Variants in CORO7 observed in about 807,000 individuals in gnomAD.
The protein encoded by CORO7 is coronin-7.
In CORO7, 107 loss-of-function variants were observed where a neutral mutation model predicts 126.6. The observed-to-expected ratio is 0.85, with a 90% CI of 0.72 to 0.99. CORO7 has a LOEUF of 0.99. Ranked by LOEUF, CORO7 falls within the 50% of genes least tolerant of loss-of-function variation. The probability of loss-of-function intolerance (pLI) is 0.00; values close to 1 mark genes in which losing one functional copy is unlikely to be tolerated. For missense variants in CORO7, 1,314 were observed against 1,255.8 expected, an observed-to-expected ratio of 1.05 and a Z score of -0.70; for synonymous variants, 603 against 536.8, an observed-to-expected ratio of 1.12 and a Z score of -1.70.
At chr16:4,412,763 A>G in intron 2 of CORO7, 1 of 355,216 alleles carries the variant, frequency 2.8e-6, no homozygotes. Flanking sequence ...GAAAGAAGCC[A>G]ACACCCAAGG....
At chr16:4,389,337 G>A (rs1420510713) in intron 7 of CORO7, among the ~76,000 whole-genome samples, 1 of 152,176 alleles carries the variant, frequency 6.6e-6, no homozygotes, top group South Asian at 2.1e-4. Flanking sequence ...CCCTGGCAGT[G>A]GGGAGCTGAG....
At chr16:4,366,810 T>G (rs2054363371) in intron 9 of CORO7, among the ~76,000 whole-genome samples, 1 of 152,156 alleles carries the variant, frequency 6.6e-6, no homozygotes, top group African/African-American at 2.4e-5. Flanking sequence ...CCCAAAGTGC[T>G]AGGATTATAG....
At chr16:4,404,957 C>T (rs1015054924) in intron 6 of CORO7, among the ~76,000 whole-genome samples, 2 of 152,158 alleles carry the variant, frequency 1.3e-5, no homozygotes, top group Non-Finnish European at 2.9e-5. Flanking sequence ...AACCCTTACT[C>T]ACCACCCAGC....
intron 9 of CORO7, among the ~76,000 whole-genome samples, chr16:4,378,654 G>A (rs952130701): frequency 2.6e-5 from 4 of 152,042 alleles, no homozygotes; most frequent in African/African-American, 7.2e-5. Flanking sequence ...CCAGGGACGC[G>A]TGCCTGGGGT....
Position 4,405,486 on chromosome 16 carries a change from C to G in CORO7, c.564+5G>C. The G allele has an allele frequency of 6.2e-7, 1 of 1,611,646 alleles. No individual in the cohort carries two copies. Among genetic ancestry groups the G allele is most frequent in the Non-Finnish European group, 8.5e-7 (1 of 1,179,564 alleles). ...CCCACAGGGCATCCCCACCTGCCTG[C>G]TCACCTTGCACGCCGTGCCCACCAG... On this transcript the variant is annotated splice_donor_5th_base_variant and intron_variant, in intron 6 of 27. Transcript: ENST00000251166.
At chr16:4,359,789 A>G (rs1013061718) in intron 21 of CORO7, among the ~76,000 whole-genome samples, 168 bp from the exon 22 acceptor site, 2 of 151,600 alleles carry the variant, frequency 1.3e-5, no homozygotes, top group Non-Finnish European at 1.5e-5. Flanking sequence ...TGGGTTCCCC[A>G]TTGACTCTTT....
intron 9 of CORO7, chr16:4,381,554 A>G (rs1200720951): frequency 1.9e-6 from 3 of 1,605,332 alleles, no homozygotes; most frequent in South Asian, 1.1e-5. Flanking sequence ...GTGTCCGACA[A>G]CCAGCTGGAG....
At chr16:4,379,535 G>A (rs967231520) in intron 9 of CORO7, among the ~76,000 whole-genome samples, 7 of 152,122 alleles carry the variant, frequency 4.6e-5, no homozygotes, top group East Asian at 1.9e-4. Flanking sequence ...TGCTGGCACC[G>A]CAATGGCAGC....
intron 9 of CORO7, chr16:4,382,441 G>A (rs1362811760): frequency 6.2e-7 from 1 of 1,610,242 alleles, no homozygotes; most frequent in Non-Finnish European, 8.5e-7. Context: ...TGAGTACACG[G>A]TCACCCAGCT....
Position 4,366,981 on chromosome 16 carries a change from C to T in CORO7, c.786-1436G>A, listed in dbSNP as rs377016048. ...TGGCAGCTGCCTCTATCCCTCACTG[C>T]GGTGACAAAGGGCCCAGCCGCCCTC... On this transcript the variant is annotated intron_variant, in intron 9 of 27. Coordinates refer to ENST00000251166, the MANE Select transcript of CORO7 (RefSeq NM_024535.5). 3.3e-3 allele frequency among the ~76,000 whole-genome samples: 508 copies of T among 152,304 alleles called. 5 individuals are homozygous for T. The highest frequency in any genetic ancestry group is 0.012 in the African/African-American group (496 of 41,564).
At chr16:4,357,325 C>G in intron 25 of CORO7, 66 bp from the exon 26 acceptor site, 35 of 1,230,130 alleles carry the variant, frequency 2.8e-5, no homozygotes, top group Non-Finnish European at 3.8e-5. Flanking sequence ...GCCAAGCCCT[C>G]GGGGATTTCT....
At chr16:4,373,822 C>A (rs1205868550) in intron 9 of CORO7, among the ~76,000 whole-genome samples, 1 of 152,164 alleles carries the variant, frequency 6.6e-6, no homozygotes, top group African/African-American at 2.4e-5. Context: ...GCAGGCCAGA[C>A]AGCCAGTCCT....
rs552310531 is a variant in CORO7 at position 4,381,908 on chromosome 16, A to G, written c.785+6078T>C. 8.7e-6 allele frequency: 14 copies of G among 1,606,232 alleles called. No homozygotes were observed. In the East Asian group the frequency reaches 2.0e-4, roughly 23 times the overall value. On this transcript the variant is annotated intron_variant, in intron 9 of 27. Transcript: ENST00000251166. ...GGCCGGCTGCTCCTGGAGCTTGACT[A>G]CGCCGACTTTGGCTGCCCAGCCACC...
Position 4,358,011 on chromosome 16 carries a change from C to T in CORO7, c.2550G>A (p.Gly850=), listed in dbSNP as rs149619313. The change falls in exon 25 of 28, where the codon GGG becomes GGA. Residue 850 remains glycine (G), a synonymous_variant. Transcript: ENST00000251166. ...SAEAWLQGAN[G]QPWLLSLQPP... ...GCTGCAGGCTGAGAAGCCAGGGCTG[C>T]CCATTAGCGCCTTGCAGCCAGGCCT... 1,218 of 1,612,216 alleles carry T rather than the reference C, an allele frequency of 7.6e-4. 4 individuals are homozygous for T. The highest frequency in any genetic ancestry group is 1.0e-3 in the South Asian group (91 of 91,048).
At chr16:4,409,241 C>T (rs1018230241) in intron 3 of CORO7, among the ~76,000 whole-genome samples, 6 of 152,346 alleles carry the variant, frequency 3.9e-5, no homozygotes, top group African/African-American at 9.6e-5. Flanking sequence ...ATAGGACGGA[C>T]GTGCACAGGC....
intron 7 of CORO7, among the ~76,000 whole-genome samples, chr16:4,393,686 G>A (rs986689061): frequency 6.6e-6 from 1 of 152,136 alleles, no homozygotes; most frequent in African/African-American, 2.4e-5. Flanking sequence ...TGGGGAGGGG[G>A]TATCTATGAT....
At position 4,364,289 on chromosome 16, in the gene CORO7, T is replaced by A; in HGVS notation, c.1262A>T (p.Asp421Val). The A allele has an allele frequency of 6.5e-7, 1 of 1,543,404 alleles. No homozygotes were observed. Among genetic ancestry groups the A allele is most frequent in the Non-Finnish European group, 8.7e-7 (1 of 1,147,486 alleles). ...CCTGGTACTTACGCTTGCGTCTGCATCACCCACGGGTGTCTCCATCACCGC... is the reference window on the plus strand; with the variant it reads ...CCTGGTACTTACGCTTGCGTCTGCAACACCCACGGGTGTCTCCATCACCGC... ...QPAVMETPVG[D>V]ADASEGFSSP... Residue 421 changes from aspartate to valine, a missense_variant, in exon 14 of 28, where the codon GAT becomes GTT. Asp to Val is a radical substitution (Grantham distance 152). Coordinates refer to ENST00000251166, the MANE Select transcript of CORO7 (RefSeq NM_024535.5).
rs571697999 is a variant in CORO7, at chr16:4,381,141, C to T, written c.785+6845G>A. 1.9e-5 allele frequency: 30 copies of T among 1,610,326 alleles called. No individual in the cohort carries two copies. In the East Asian group the frequency reaches 3.6e-4, roughly 19 times the overall value. On this transcript the variant is annotated intron_variant, in intron 9 of 27. Coordinates refer to ENST00000251166, the MANE Select transcript of CORO7 (RefSeq NM_024535.5). ...TCCTGGACCTGTCACAGAACCAGAT[C>T]GCCAGCCTGCCCAGCGGGGTCTTCC...
chr16:4,360,657 T>C (rs972760707), intron 19 of CORO7, 109 bp from the exon 20 acceptor site: 14 of 1,336,750 alleles, frequency 1.0e-5, no homozygotes, highest in East Asian at 7.8e-5. Context: ...CTCACTGCTG[T>C]TCCCGCCTCT....
Sources: allele counts gnomAD v4.1 joint callset (sites outside exome capture counted in the v4.1 genomes callset), GRCh38; gene constraint gnomAD v4.1.1; transcripts MANE v1.5; gene names NCBI Gene and HGNC (gene_info 2026-07-23, HGNC 2026-07-21).